TMEM135: variants seen among roughly 807,000 people sequenced by gnomAD.
TMEM135 encodes transmembrane protein 135.
TMEM135 carries 30 observed loss-of-function variants against 60.3 expected under a neutral mutation model. That is an observed-to-expected ratio of 0.50 (90% CI 0.37 to 0.68). The LOEUF (loss-of-function observed/expected upper bound fraction) is 0.68, where lower values mean the gene tolerates loss of function less well. TMEM135 is among the 30% of genes least tolerant of loss of function. The pLI is 0.00. For missense variants in TMEM135, 468 were observed against 548.8 expected, an observed-to-expected ratio of 0.85 and a Z score of 1.47; for synonymous variants, 190 against 186.7, an observed-to-expected ratio of 1.02 and a Z score of -0.14.
At chr11:87,242,858 G>C (rs937249615) in intron 6 of TMEM135, among the ~76,000 whole-genome samples, 17 of 147,880 alleles carry the variant, frequency 1.1e-4, no homozygotes, top group African/African-American at 2.0e-4. Flanking sequence ...TTAGTTTAAT[G>C]AGATCCCATT....
chr11:87,204,948 C>A (rs1224554738), intron 5 of TMEM135, among the ~76,000 whole-genome samples: 1 of 152,128 alleles, frequency 6.6e-6, no homozygotes, highest in African/African-American at 2.4e-5. Context: ...TTTCTAAATT[C>A]TACATTCTGC....
chr11:87,088,790 AAGACAACTGTCT>A (rs1565435712), intron 3 of TMEM135, among the ~76,000 whole-genome samples: 4 of 152,208 alleles, frequency 2.6e-5, no homozygotes, highest in Non-Finnish European at 5.9e-5. Flanking sequence ...GAAGAGGATC[AAGACAACTGTCT>A]GTGAATGACA....
chr11:87,079,482 C>G (rs187482929), intron 3 of TMEM135, among the ~76,000 whole-genome samples: 7 of 152,038 alleles, frequency 4.6e-5, no homozygotes, highest in African/African-American at 1.7e-4. Flanking sequence ...ATCTTGACTT[C>G]TGTGACCTTG....
intron 7 of TMEM135, among the ~76,000 whole-genome samples, chr11:87,298,701 G>A (rs1048907112): frequency 6.8e-6 from 1 of 146,710 alleles, no homozygotes; most frequent in African/African-American, 2.5e-5. Context: ...GGAGGAGAAT[G>A]GCTTGAACTT....
rs1374607934 is a variant in TMEM135, at chr11:87,163,963, G to A, written c.462+6557G>A. 2.1e-3 allele frequency among the ~76,000 whole-genome samples: 319 copies of A among 148,754 alleles called. 3 individuals are homozygous for A. The highest frequency in any genetic ancestry group is 7.6e-3 in the African/African-American group (307 of 40,284). On this transcript the variant is annotated intron_variant, in intron 5 of 14. Transcript: ENST00000305494. ...GCCCTTTGTCAGATGAGTAGGTTGC[G>A]AAAATTTTCTCCCATTTTGTAGGAT...
At chr11:87,094,556 A>G (rs1857280045) in intron 4 of TMEM135, among the ~76,000 whole-genome samples, 1 of 152,098 alleles carries the variant, frequency 6.6e-6, no homozygotes, top group South Asian at 2.1e-4. Context: ...AAATTACAGT[A>G]TAGGCTAGGT....
At chr11:87,166,015 A>T (rs1003752416) in intron 5 of TMEM135, among the ~76,000 whole-genome samples, 1 of 151,140 alleles carries the variant, frequency 6.6e-6, no homozygotes, top group East Asian at 1.9e-4. Flanking sequence ...TCCTTGACAC[A>T]TACACTCTCC....
chr11:87,296,528 A>G (rs181711423), intron 7 of TMEM135, among the ~76,000 whole-genome samples: 3 of 152,198 alleles, frequency 2.0e-5, no homozygotes, highest in Non-Finnish European at 4.4e-5. Context: ...AAGGACATAT[A>G]GTAGATGCTT....
intron 5 of TMEM135, among the ~76,000 whole-genome samples, chr11:87,181,347 A>G (rs892107628): frequency 6.6e-6 from 1 of 152,142 alleles, no homozygotes; most frequent in Non-Finnish European, 1.5e-5. Context: ...TAGAAAAGGT[A>G]TAACAATTAC....
intron 4 of TMEM135, among the ~76,000 whole-genome samples, chr11:87,126,099 T>C (rs1937718739): frequency 6.6e-6 from 1 of 151,276 alleles, no homozygotes; most frequent in African/African-American, 2.4e-5. Flanking sequence ...CTTGAATTCC[T>C]GACCTCAAGT....
intron 4 of TMEM135, among the ~76,000 whole-genome samples, chr11:87,122,425 C>T (rs1937616720): frequency 1.1e-5 from 1 of 94,952 alleles, no homozygotes; most frequent in Admixed American, 9.2e-5. Flanking sequence ...GTTCATTTAT[C>T]ATTTAGTTTT....
At chr11:87,212,313 G>A (rs1337079022) in intron 5 of TMEM135, among the ~76,000 whole-genome samples, 1 of 152,030 alleles carries the variant, frequency 6.6e-6, no homozygotes, top group Non-Finnish European at 1.5e-5. Context: ...GTCACAAATG[G>A]ATTAAACAGA....
intron 13 of TMEM135, 64 bp downstream of exon 13, chr11:87,318,299 T>A (rs1408915444): frequency 7.0e-6 from 8 of 1,137,168 alleles, no homozygotes; most frequent in Non-Finnish European, 1.1e-5. Context: ...GTTAATCAAA[T>A]GGGAGAGAAA....
intron 7 of TMEM135, among the ~76,000 whole-genome samples, chr11:87,297,387 A>G (rs1316757222): frequency 1.3e-5 from 2 of 152,200 alleles, no homozygotes; most frequent in African/African-American, 4.8e-5. Context: ...GGGAACAATA[A>G]CTTTCTAAGT....
At chr11:87,249,938 T>A (rs1307651616) in intron 6 of TMEM135, among the ~76,000 whole-genome samples, 1 of 152,122 alleles carries the variant, frequency 6.6e-6, no homozygotes, top group Non-Finnish European at 1.5e-5. Context: ...TTCTGGACTT[T>A]TCTTTGCTGG....
intron 7 of TMEM135, among the ~76,000 whole-genome samples, chr11:87,298,776 G>A (rs1942391217): frequency 1.6e-5 from 1 of 61,992 alleles, no homozygotes. Flanking sequence ...GACAGAGTGA[G>A]ACTCTGTCTC....
chr11:87,278,459 G>A (rs981437162), intron 6 of TMEM135, among the ~76,000 whole-genome samples: 4 of 149,246 alleles, frequency 2.7e-5, no homozygotes, highest in South Asian at 2.1e-4. Flanking sequence ...TCCATCTCCC[G>A]GGTTCAAGTG....
At chr11:87,254,035 A>G (rs1245156681) in intron 6 of TMEM135, among the ~76,000 whole-genome samples, 1 of 152,152 alleles carries the variant, frequency 6.6e-6, no homozygotes, top group African/African-American at 2.4e-5. Flanking sequence ...GGTGTCTTAT[A>G]TATAACAATC....
chr11:87,054,422 G>A (rs1949872398), intron 1 of TMEM135, among the ~76,000 whole-genome samples: 1 of 152,036 alleles, frequency 6.6e-6, no homozygotes, highest in African/African-American at 2.4e-5. Flanking sequence ...AACAGAGTGA[G>A]ACTCTGTCTC....
Sources: allele counts gnomAD v4.1 joint callset (sites outside exome capture counted in the v4.1 genomes callset), GRCh38; gene constraint gnomAD v4.1.1; transcripts MANE v1.5; gene names NCBI Gene and HGNC (gene_info 2026-07-23, HGNC 2026-07-21).